LINGO2: variants seen among roughly 807,000 people sequenced by gnomAD.
LINGO2 encodes leucine rich repeat and Ig domain containing 2.
In LINGO2, 14 loss-of-function variants were observed where a neutral mutation model predicts 30.6. The observed-to-expected ratio is 0.46, with a 90% CI of 0.30 to 0.72. The LOEUF (loss-of-function observed/expected upper bound fraction) is 0.72. Ranked by LOEUF, LINGO2 falls within the 30% of genes least tolerant of loss-of-function variation. The pLI is 0.07. For synonymous variants in LINGO2, 317 were observed against 288.5 expected, an observed-to-expected ratio of 1.10 and a Z score of -1.00; for missense variants, 729 against 751.7, an observed-to-expected ratio of 0.97 and a Z score of 0.35.
chr9:28,646,272 T>C (rs1382440485), intron 1 of LINGO2, among the ~76,000 whole-genome samples: 1 of 152,112 alleles, frequency 6.6e-6, no homozygotes, highest in Non-Finnish European at 1.5e-5. Flanking sequence ...CAGAACTCTA[T>C]ATCTCTGTTA....
the LINGO2 span, among the ~76,000 whole-genome samples, chr9:29,117,609 C>T: frequency 6.6e-6 from 1 of 152,042 alleles, no homozygotes; most frequent in Non-Finnish European, 1.5e-5. Flanking sequence ...CCATAACCTC[C>T]AGAGGCTCCC....
In LINGO2 at chr9:28,530,796, C is replaced by T. The variant is rs117401381; in HGVS notation, c.-364-54771G>A. On this transcript the variant is annotated intron_variant, in intron 1 of 5. Transcript: ENST00000379992. ...CATGATAAACATCTCAGGAATCCTGCTTCTCTAAAATTTAATTGCTTATAT... is the reference window on the plus strand; with the variant it reads ...CATGATAAACATCTCAGGAATCCTGTTTCTCTAAAATTTAATTGCTTATAT... Among the ~76,000 whole-genome samples the T allele has an allele frequency of 4.1e-3, 623 of 152,024 alleles. 13 individuals carry two copies. The East Asian group carries it at 0.049, about 12-fold the overall frequency.
chr9:28,767,949 A>C, the LINGO2 span, among the ~76,000 whole-genome samples: 1 of 152,054 alleles, frequency 6.6e-6, no homozygotes, highest in Non-Finnish European at 1.5e-5. Context: ...TTCCATTAGG[A>C]GGCATAAAAT....
At chr9:29,050,795 T>C in the LINGO2 span, among the ~76,000 whole-genome samples, 2 of 152,168 alleles carry the variant, frequency 1.3e-5, no homozygotes, top group Admixed American at 1.3e-4. Flanking sequence ...ACTATATAAA[T>C]AGTTGCTATT....
chr9:28,968,539 T>C, the LINGO2 span, among the ~76,000 whole-genome samples: 1 of 152,154 alleles, frequency 6.6e-6, no homozygotes, highest in Non-Finnish European at 1.5e-5. Context: ...AAAATAATGT[T>C]ACACTTCACT....
chr9:28,020,803 A>C (rs1823080346), intron 4 of LINGO2, among the ~76,000 whole-genome samples: 3 of 152,172 alleles, frequency 2.0e-5, no homozygotes, highest in Admixed American at 2.0e-4. Flanking sequence ...ACTTTATCTA[A>C]GGTAACAAAA....
chr9:28,775,832 CTTTG>C, the LINGO2 span, among the ~76,000 whole-genome samples: 3 of 152,128 alleles, frequency 2.0e-5, no homozygotes, highest in Non-Finnish European at 2.9e-5. Context: ...TTCGTTCACT[CTTTG>C]TTTGGAAAAC....
chr9:28,215,577 C>G (rs971906820), intron 4 of LINGO2, among the ~76,000 whole-genome samples: 1 of 151,320 alleles, frequency 6.6e-6, no homozygotes, highest in Non-Finnish European at 1.5e-5. Flanking sequence ...TTGATTGGTT[C>G]AATTTAATCA....
intron 4 of LINGO2, among the ~76,000 whole-genome samples, chr9:28,022,348 T>G (rs931882840): frequency 1.3e-5 from 2 of 152,094 alleles, no homozygotes; most frequent in African/African-American, 4.8e-5. Context: ...TTCTTTTATA[T>G]CAATTAAGAT....
chr9:28,432,917 G>A (rs903198541), intron 2 of LINGO2, among the ~76,000 whole-genome samples: 2 of 151,920 alleles, frequency 1.3e-5, no homozygotes, highest in African/African-American at 2.4e-5. Flanking sequence ...GAAAATGAAC[G>A]TTGTTAAGAA....
At chr9:28,500,374 A>G (rs1211289580) in intron 1 of LINGO2, among the ~76,000 whole-genome samples, 1 of 152,198 alleles carries the variant, frequency 6.6e-6, no homozygotes, top group Non-Finnish European at 1.5e-5. Flanking sequence ...TTAAATCCCC[A>G]GAAATTTGAG....
intron 4 of LINGO2, among the ~76,000 whole-genome samples, chr9:28,068,699 A>C (rs942433515): frequency 6.6e-6 from 1 of 152,196 alleles, no homozygotes; most frequent in Non-Finnish European, 1.5e-5. Context: ...GTAAAGCAGA[A>C]ATTTTTATTT....
chr9:28,385,429 G>C (rs2134655392), intron 2 of LINGO2, among the ~76,000 whole-genome samples: 1 of 152,286 alleles, frequency 6.6e-6, no homozygotes, highest in East Asian at 1.9e-4. Context: ...AGGTGTGTCA[G>C]TGGGGAGGGA....
intron 4 of LINGO2, among the ~76,000 whole-genome samples, chr9:28,159,505 G>GTTTTGATA (rs1828227209): frequency 6.6e-6 from 1 of 151,958 alleles, no homozygotes; most frequent in African/African-American, 2.4e-5. Context: ...ACAATATGAT[G>GTTTTGATA]TTTTGATATG....
At chr9:28,013,652 C>T (rs1300059882) in intron 4 of LINGO2, among the ~76,000 whole-genome samples, 1 of 152,142 alleles carries the variant, frequency 6.6e-6, no homozygotes, top group Non-Finnish European at 1.5e-5. Context: ...TACAATGGCT[C>T]TTCATTTTGA....
the LINGO2 span, among the ~76,000 whole-genome samples, chr9:28,989,391 G>T: frequency 2.0e-5 from 3 of 152,172 alleles, no homozygotes; most frequent in African/African-American, 7.2e-5. Context: ...ATTAACTGCA[G>T]AATTTAAAAT....
the LINGO2 span, among the ~76,000 whole-genome samples, chr9:28,677,068 C>T: frequency 6.6e-6 from 1 of 152,026 alleles, no homozygotes; most frequent in East Asian, 1.9e-4. Flanking sequence ...GTTCTAAGTA[C>T]ATTACATTTA....
the LINGO2 span, among the ~76,000 whole-genome samples, chr9:28,776,255 G>T: frequency 1.3e-5 from 2 of 151,074 alleles, no homozygotes; most frequent in Non-Finnish European, 3.0e-5. Context: ...GTAGCCAAAA[G>T]GAGGCTATCA....
chr9:28,553,358 C>A (rs1822421265), intron 1 of LINGO2, among the ~76,000 whole-genome samples: 1 of 151,908 alleles, frequency 6.6e-6, no homozygotes, highest in Admixed American at 6.6e-5. Context: ...AATGCAGAAG[C>A]CTCAGGAGCC....
Sources: gnomAD v4.1 joint callset for allele counts (sites outside exome capture counted in the v4.1 genomes callset) on GRCh38, gnomAD v4.1.1 for gene constraint, MANE v1.5 for transcripts, NCBI Gene and HGNC (gene_info 2026-07-23, HGNC 2026-07-21) for gene names.